The following SYNJ1 variants were observed in gnomAD, a reference collection of about 807,000 sequenced individuals.
SYNJ1 encodes polyphosphatidylinositol phosphatase SYNJ1.
SYNJ1 carries 78 observed loss-of-function variants against 168.2 expected under a neutral mutation model. The ratio of observed to expected loss-of-function variants is 0.46; its 90% CI spans 0.39 to 0.56. SYNJ1 has a LOEUF of 0.56. Among genes scored for constraint, SYNJ1 ranks in the 20% least tolerant of loss-of-function variants. The probability of loss-of-function intolerance (pLI) is 0.00; values close to 1 mark genes in which losing one functional copy is unlikely to be tolerated. For missense variants in SYNJ1, 1,303 were observed against 1,597.6 expected, an observed-to-expected ratio of 0.82 and a Z score of 3.14; for synonymous variants, 539 against 548.6, an observed-to-expected ratio of 0.98 and a Z score of 0.24.
At chr21:32,716,426 T>C (rs1252696158) in intron 2 of SYNJ1, among the ~76,000 whole-genome samples, 1 of 152,222 alleles carries the variant, frequency 6.6e-6, no homozygotes, top group East Asian at 1.9e-4. Flanking sequence ...GGTACAAAAC[T>C]CTAGGTGAAT....
chr21:32,684,786 C>A (rs539610612), intron 9 of SYNJ1, among the ~76,000 whole-genome samples: 169 of 152,282 alleles, frequency 1.1e-3, no homozygotes, highest in Non-Finnish European at 4.3e-4. Context: ...TGGAGCCAGA[C>A]GAATCCCAGT....
At chr21:32,636,376 A>C (rs1214688316) in intron 31 of SYNJ1, among the ~76,000 whole-genome samples, 1 of 152,338 alleles carries the variant, frequency 6.6e-6, no homozygotes, top group East Asian at 1.9e-4. Context: ...TCTATACAAA[A>C]TTATAAAGTC....
intron 6 of SYNJ1, among the ~76,000 whole-genome samples, chr21:32,692,555 G>A (rs914717609): frequency 1.3e-5 from 2 of 151,850 alleles, no homozygotes; most frequent in African/African-American, 2.4e-5. Context: ...CAGCCTGGGC[G>A]ACAGAGCATC....
At chr21:32,727,733 T>TGTCACCACAGCCCCC in intron 1 of SYNJ1, 1 of 1,118,012 alleles carries the variant, frequency 8.9e-7, no homozygotes, top group South Asian at 1.7e-5. Flanking sequence ...TGACAGCCGC[T>TGTCACCACAGCCCCC]GTCACCACAG....
At chr21:32,680,668 T>G (rs2041588105) in intron 11 of SYNJ1, among the ~76,000 whole-genome samples, 1 of 151,844 alleles carries the variant, frequency 6.6e-6, no homozygotes, top group African/African-American at 2.4e-5. Flanking sequence ...CTGGATGGAG[T>G]GCAGTGGCGT....
At chr21:32,665,803 T>C in intron 17 of SYNJ1, 140 bp downstream of exon 17, 2 of 920,152 alleles carry the variant, frequency 2.2e-6, no homozygotes, top group Non-Finnish European at 3.1e-6. Flanking sequence ...GGGTTAATAC[T>C]CATGAAATAT....
intron 4 of SYNJ1, among the ~76,000 whole-genome samples, chr21:32,696,821 T>C (rs894020621): frequency 4.6e-5 from 7 of 152,176 alleles, no homozygotes; most frequent in African/African-American, 1.7e-4. Flanking sequence ...CTCTTATCCA[T>C]CCAGGAAATC....
intron 2 of SYNJ1, among the ~76,000 whole-genome samples, chr21:32,707,644 A>G (rs1043122251): frequency 6.6e-6 from 1 of 152,048 alleles, no homozygotes; most frequent in African/African-American, 2.4e-5. Context: ...TCATTTCCTT[A>G]TATCTCAACA....
At chr21:32,727,844 G>C (rs1485997792) in intron 1 of SYNJ1, 102 bp downstream of exon 1, 22 of 1,497,368 alleles carry the variant, frequency 1.5e-5, no homozygotes, top group Non-Finnish European at 1.9e-5. Flanking sequence ...CACCGCTCCC[G>C]CTGACGCTGC....
chr21:32,639,392 TA>T (rs1203937769), intron 30 of SYNJ1, among the ~76,000 whole-genome samples: 1 of 152,166 alleles, frequency 6.6e-6, no homozygotes, highest in Admixed American at 6.5e-5. Flanking sequence ...TCTCAATTTT[TA>T]AAAATTTTTG....
At chr21:32,680,805 T>C (rs746893446) in intron 11 of SYNJ1, among the ~76,000 whole-genome samples, 1 of 152,138 alleles carries the variant, frequency 6.6e-6, no homozygotes, top group Non-Finnish European at 1.5e-5. Context: ...TCAGTAGAGA[T>C]GTGGTTTCGC....
chr21:32,631,455 G>A lies in SYNJ1; in HGVS notation c.*350C>T. 1 of 1,614,158 alleles carries A rather than the reference G, an allele frequency of 6.2e-7. No homozygotes were observed. Among genetic ancestry groups the A allele is most frequent in the Non-Finnish European group, 8.5e-7 (1 of 1,180,028 alleles). ...CCATGAAGTTGCCTCTGATTCTTCA[G>A]ACTTGGCTCTAAATGGGTTTCCAGG... is the stretch of plus-strand genomic sequence containing the variant. On this transcript the variant is annotated 3_prime_UTR_variant, in exon 33 of 33. Coordinates refer to ENST00000674351, the MANE Select transcript of SYNJ1 (RefSeq NM_203446.3).
intron 5 of SYNJ1, 124 bp downstream of exon 5, chr21:32,694,930 CAAG>C: frequency 9.5e-7 from 1 of 1,048,506 alleles, no homozygotes; most frequent in South Asian, 1.9e-5. Context: ...CATAAGTAAC[CAAG>C]AACAATCATA....
At chr21:32,668,009 ATGTG>A (rs3056370) in intron 15 of SYNJ1, among the ~76,000 whole-genome samples, 23,598 of 143,722 alleles carry the variant, frequency 0.16, 2,239 homozygotes, top group African/African-American at 0.27. Flanking sequence ...AAGAATATAT[ATGTG>A]TGTGTGTGTG....
Position 32,700,008 on chromosome 21 carries a change from A to G in SYNJ1, c.309T>C (p.Phe103=), listed in dbSNP as rs1569111289. The G allele has an allele frequency of 1.2e-6, 2 of 1,614,226 alleles. No homozygotes were observed. Among genetic ancestry groups the G allele is most frequent in the Non-Finnish European group, 1.7e-6 (2 of 1,180,046 alleles). ...SEVFRVTSTE[F]ISLRIDSSDE... is the part of the protein sequence containing the mutation. ...CTGAAGAATCGATTCGCAGTGATAT[A>G]AACTCAGTGGAAGTAACTCGGAAAA... Residue 103 remains phenylalanine (F), a synonymous_variant, in exon 4 of 33, where the codon TTT becomes TTC. Transcript: ENST00000674351.
At chr21:32,638,769 TATA>T (rs2039693264) in intron 31 of SYNJ1, 136 bp downstream of exon 31, 1 of 688,332 alleles carries the variant, frequency 1.5e-6, no homozygotes, top group East Asian at 3.1e-5. Flanking sequence ...CATATATATG[TATA>T]ATAACAAATA....
intron 2 of SYNJ1, among the ~76,000 whole-genome samples, chr21:32,710,218 C>A (rs1159276444): frequency 6.6e-6 from 1 of 151,382 alleles, no homozygotes; most frequent in Admixed American, 6.6e-5. Flanking sequence ...TAAATAAAAA[C>A]ATAAATAAAT....
chr21:32,640,652 C>T (rs2039794550), intron 29 of SYNJ1, among the ~76,000 whole-genome samples: 1 of 151,966 alleles, frequency 6.6e-6, no homozygotes, highest in African/African-American at 2.4e-5. Flanking sequence ...GACTTGAACT[C>T]CTGGGTTCAA....
intron 5 of SYNJ1, among the ~76,000 whole-genome samples, chr21:32,694,619 T>G (rs1356723217): frequency 6.6e-6 from 1 of 152,208 alleles, no homozygotes; most frequent in Non-Finnish European, 1.5e-5. Context: ...TAACCTAATT[T>G]GAAGATCTGT....
Sources: gnomAD v4.1 joint callset for allele counts (sites outside exome capture counted in the v4.1 genomes callset) on GRCh38, gnomAD v4.1.1 for gene constraint, MANE v1.5 for transcripts, NCBI Gene and HGNC (gene_info 2026-07-23, HGNC 2026-07-21) for gene names.